CDH18: variants seen among roughly 807,000 people sequenced by gnomAD.
CDH18 encodes the protein cadherin 18.
A neutral mutation model predicts 67.9 loss-of-function variants in CDH18; 31 were observed. The ratio of observed to expected loss-of-function variants is 0.46; its 90% confidence interval spans 0.34 to 0.62. CDH18 has a LOEUF of 0.62. Among genes scored for constraint, CDH18 ranks in the 20% least tolerant of loss-of-function variants. The probability of loss-of-function intolerance (pLI) is 0.01; values close to 1 mark genes in which losing one functional copy is unlikely to be tolerated. For synonymous variants in CDH18, 362 were observed against 347.2 expected, an observed-to-expected ratio of 1.04 and a Z score of -0.48; for missense variants, 890 against 975.5, an observed-to-expected ratio of 0.91 and a Z score of 1.17.
intron 2 of CDH18, among the ~76,000 whole-genome samples, chr5:20,061,252 T>C (rs1742461872): frequency 6.6e-6 from 1 of 151,544 alleles, no homozygotes; most frequent in Non-Finnish European, 1.5e-5. Context: ...TTCATAAAAA[T>C]ATTAAGAACT....
intron 1 of CDH18, among the ~76,000 whole-genome samples, chr5:20,536,560 A>T: frequency 6.6e-6 from 1 of 152,170 alleles, no homozygotes; most frequent in East Asian, 1.9e-4. Context: ...GTGCTTCTGA[A>T]CTACTTCTTA....
chr5:19,693,534 T>A (rs1209182058), intron 5 of CDH18, among the ~76,000 whole-genome samples: 3 of 152,190 alleles, frequency 2.0e-5, no homozygotes, highest in African/African-American at 7.2e-5. Flanking sequence ...TTTGGCATCT[T>A]ATTTTAATCT....
At chr5:19,617,578 T>C (rs887932601) in intron 5 of CDH18, among the ~76,000 whole-genome samples, 1 of 152,234 alleles carries the variant, frequency 6.6e-6, no homozygotes, top group African/African-American at 2.4e-5. Context: ...GGTTACGGCA[T>C]ATTCTAAATG....
rs368039114 is a variant in CDH18, at chr5:19,557,100, A to G, written c.1254-13095T>C. On this transcript the variant is annotated intron_variant, in intron 8 of 12. Coordinates refer to ENST00000382275, the MANE Select transcript of CDH18 (RefSeq NM_004934.5). ...CAAACAAATGCTGAGAGAATTTACC[A>G]CTACCAAGCCAGCACTACAAGAACT... 5.8e-4 allele frequency among the ~76,000 whole-genome samples: 88 copies of G among 152,252 alleles called. 1 individual carries two copies. The highest frequency in any genetic ancestry group is 1.9e-3 in the African/African-American group (81 of 41,574).
chr5:19,700,669 C>T (rs62351327), intron 5 of CDH18, among the ~76,000 whole-genome samples: 3 of 152,080 alleles, frequency 2.0e-5, no homozygotes, highest in Non-Finnish European at 4.4e-5. Context: ...GGGTCTTTTG[C>T]AAGCACAGGT....
intron 2 of CDH18, among the ~76,000 whole-genome samples, chr5:19,930,646 C>T (rs1229511594): frequency 2.6e-5 from 4 of 151,876 alleles, no homozygotes; most frequent in African/African-American, 9.7e-5. Flanking sequence ...GGTAAGGTAG[C>T]AAGTGTAGAG....
chr5:20,019,257 C>T (rs1738181549), intron 2 of CDH18, among the ~76,000 whole-genome samples: 1 of 152,128 alleles, frequency 6.6e-6, no homozygotes, highest in African/African-American at 2.4e-5. Context: ...AAAATAGACT[C>T]ACTAATGTTA....
At chr5:19,906,598 C>T (rs1238433767) in intron 2 of CDH18, among the ~76,000 whole-genome samples, 6 of 152,042 alleles carry the variant, frequency 3.9e-5, no homozygotes, top group African/African-American at 1.2e-4. Context: ...CCCACAGAAT[C>T]CAAGTTACAG....
intron 5 of CDH18, among the ~76,000 whole-genome samples, chr5:19,681,524 T>C (rs1760325038): frequency 6.6e-6 from 1 of 152,148 alleles, no homozygotes; most frequent in African/African-American, 2.4e-5. Context: ...AACCTAAAGA[T>C]TGGCTGCTTT....
Position 20,562,991 on chromosome 5 carries a change from GT to G in CDH18, c.-580+12470del, listed in dbSNP as rs60380534. On this transcript the variant is annotated intron_variant, in intron 1 of 14. Coordinates refer to the CDH18 transcript ENST00000507958. ...TATAGATCATACTTTGAGAAGGTAGGTTTTTTTTTTTTTAGCATGGTGACCT... is the reference window on the plus strand; with the variant it reads ...TATAGATCATACTTTGAGAAGGTAGGTTTTTTTTTTTTAGCATGGTGACCT... Among the ~76,000 whole-genome samples, 1,199 of 142,432 alleles carry G rather than the reference GT, an allele frequency of 8.4e-3. 11 individuals carry two copies. The highest frequency in any genetic ancestry group is 0.027 in the African/African-American group (1,054 of 39,302). 93.4% of individuals were successfully genotyped at this position (142,432 alleles called of 152,430 possible). A position where few individuals can be genotyped will look rare whatever the true frequency, so the allele number is the denominator to read the frequency against.
At chr5:19,699,504 G>C (rs903740098) in intron 5 of CDH18, among the ~76,000 whole-genome samples, 1 of 152,030 alleles carries the variant, frequency 6.6e-6, no homozygotes, top group African/African-American at 2.4e-5. Context: ...ATTTGTAGAT[G>C]GGGCCTTTGA....
intron 3 of CDH18, among the ~76,000 whole-genome samples, chr5:19,817,497 G>A (rs1779417641): frequency 6.6e-6 from 1 of 151,986 alleles, no homozygotes; most frequent in Non-Finnish European, 1.5e-5. Context: ...TAATGGGAGA[G>A]GGGTGAGTAC....
chr5:20,472,904 T>G (rs1014232072), intron 1 of CDH18, among the ~76,000 whole-genome samples: 13 of 152,230 alleles, frequency 8.5e-5, no homozygotes, highest in South Asian at 2.1e-4. Context: ...GATGTATTTT[T>G]ATTTTAACTG....
At chr5:19,992,173 T>A (rs1181810103), upstream of CDH18, among the ~76,000 whole-genome samples, 1 of 152,158 alleles carries the variant, frequency 6.6e-6, no homozygotes. Context: ...ATTAGATCCA[T>A]GTGTTCACTT....
rs1234281603 is a variant in CDH18, at chr5:19,472,329, A to G, written c.*897T>C. Among the ~76,000 whole-genome samples, 1 of 152,162 alleles carries G rather than the reference A, an allele frequency of 6.6e-6. No homozygotes were observed. The highest frequency in any genetic ancestry group is 2.4e-5 in the African/African-American group (1 of 41,444). ...ATTAATTTTAAATAGAGAAATGACC[A>G]AAATTGCTGATTTAAATATAATAAA... On this transcript the variant is annotated 3_prime_UTR_variant, in exon 13 of 13. Coordinates refer to ENST00000382275, the MANE Select transcript of CDH18 (RefSeq NM_004934.5).
chr5:20,260,809 T>A (rs1744594185), intron 1 of CDH18, among the ~76,000 whole-genome samples: 1 of 152,186 alleles, frequency 6.6e-6, no homozygotes, highest in Non-Finnish European at 1.5e-5. Context: ...TTCTGGAAGC[T>A]GAAACTGACA....
intron 1 of CDH18, among the ~76,000 whole-genome samples, chr5:20,448,614 A>C (rs1750191411): frequency 6.6e-6 from 1 of 152,094 alleles, no homozygotes; most frequent in African/African-American, 2.4e-5. Context: ...AGATACTCTA[A>C]ATACTCAAAA....
At chr5:20,016,621 G>A (rs1737905249) in intron 2 of CDH18, among the ~76,000 whole-genome samples, 1 of 152,150 alleles carries the variant, frequency 6.6e-6, no homozygotes, top group Admixed American at 6.5e-5. Context: ...CAGTCAGAGT[G>A]CTGGTTGAGG....
At chr5:20,339,183 G>A (rs936527335) in intron 1 of CDH18, among the ~76,000 whole-genome samples, 5 of 152,002 alleles carry the variant, frequency 3.3e-5, no homozygotes, top group Non-Finnish European at 5.9e-5. Flanking sequence ...CTCCCCTCAA[G>A]TGCCTCCTGA....
Sources: gnomAD v4.1 joint callset for allele counts (sites outside exome capture counted in the v4.1 genomes callset) on GRCh38, gnomAD v4.1.1 for gene constraint, MANE v1.5 for transcripts, NCBI Gene and HGNC (gene_info 2026-07-23, HGNC 2026-07-21) for gene names.